The following TMX4 variants were observed in gnomAD, a reference collection of about 807,000 sequenced individuals.
TMX4 encodes the protein thioredoxin-related transmembrane protein 4.
Under a neutral mutation model 33.3 loss-of-function variants are expected in TMX4, and 23 were observed. The ratio of observed to expected loss-of-function variants is 0.69; its 90% CI spans 0.50 to 0.98. The LOEUF is 0.98. Ranked by LOEUF, TMX4 falls within the 50% of genes least tolerant of loss-of-function variation. The probability of loss-of-function intolerance (pLI) is 0.00; values close to 1 mark genes in which losing one functional copy is unlikely to be tolerated. For missense variants in TMX4, 399 were observed against 448.9 expected (o/e 0.89, Z 1.01); for synonymous variants, 164 against 161.5 (o/e 1.02, Z -0.12).
chr20:8,005,785 A>G (rs915001014), intron 2 of TMX4, among the ~76,000 whole-genome samples: 1 of 152,046 alleles, frequency 6.6e-6, no homozygotes, highest in African/African-American at 2.4e-5. Flanking sequence ...GAACAACGGA[A>G]AGTTTGGCCA....
chr20:8,013,728 C>T (rs534046029), intron 1 of TMX4: 49 of 152,258 alleles, frequency 3.2e-4, no homozygotes, highest in African/African-American at 1.1e-3. Flanking sequence ...ATATTTATTT[C>T]CTAGAAAGGA....
chr20:7,984,211 G>A (rs555743379), intron 6 of TMX4, among the ~76,000 whole-genome samples: 3 of 152,292 alleles, frequency 2.0e-5, no homozygotes, highest in Admixed American at 6.5e-5. Context: ...CCTCACCAAC[G>A]GGTAACCCCT....
In TMX4 at chr20:7,978,558, G is replaced by C. The variant is rs781213781; in HGVS notation, c.*3693C>G. The C allele has an allele frequency of 1.3e-5, 2 of 151,838 alleles. No individual in the cohort carries two copies. Among genetic ancestry groups the C allele is most frequent in the Admixed American group, 1.3e-4 (2 of 15,234 alleles). The allele number at this position is 151,838 out of a possible 1,614,324, so 9.4% of individuals were successfully genotyped here. ...TTTTGGCCATAAAAAGTCAAATTTT[G>C]TTTTTTTTCCACTATCAAAAGCCAA... On this transcript the variant is annotated 3_prime_UTR_variant, in exon 8 of 8. Coordinates refer to ENST00000246024, the MANE Select transcript of TMX4 (RefSeq NM_021156.4).
chr20:7,982,187 C>T lies in TMX4; in HGVS notation c.*64G>A. 6.6e-7 allele frequency: 1 copy of T among 1,516,846 alleles called. No homozygotes were observed. Among genetic ancestry groups the T allele is most frequent in the South Asian group, 1.3e-5 (1 of 79,656 alleles). 94.0% of individuals were successfully genotyped at this position (1,516,846 alleles called of 1,614,324 possible). A position where few individuals can be genotyped will look rare whatever the true frequency, so the allele number is the denominator to read the frequency against. The stretch of plus-strand genomic sequence containing the variant: ...GGAAAAATTAAGGATTTGGTACAAA[C>T]TGCAGGCCAAAGGGAAGCTGACATA... On this transcript the variant is annotated 3_prime_UTR_variant, in exon 8 of 8. Transcript: ENST00000246024.
intron 1 of TMX4, among the ~76,000 whole-genome samples, chr20:8,012,601 G>T (rs192705950): frequency 6.6e-6 from 1 of 151,966 alleles, no homozygotes; most frequent in Non-Finnish European, 1.5e-5. Context: ...TTATCTTGAA[G>T]TATAATATAA....
Position 7,982,596 on chromosome 20 carries a change from A to G in TMX4, c.705T>C (p.Ala235=). 6.2e-7 allele frequency: 1 copy of G among 1,612,810 alleles called. No individual in the cohort carries two copies. Reference sequence around the variant, plus strand: ...CATCCTGCAACTGTTCAGCTCTATGAGCCTCCTCTGATCTCCGATTCTGCT... The same window carrying G: ...CATCCTGCAACTGTTCAGCTCTATGGGCCTCCTCTGATCTCCGATTCTGCT... The part of the protein sequence containing the change: ...RSEQNRRSEE[A]HRAEQLQDAE... Residue 235 remains alanine, a synonymous_variant, in exon 8 of 8, where the codon GCT becomes GCC. Transcript: ENST00000246024.
intron 5 of TMX4, among the ~76,000 whole-genome samples, chr20:7,995,182 T>A (rs1390443323): frequency 6.6e-6 from 1 of 152,190 alleles, no homozygotes; most frequent in African/African-American, 2.4e-5. Context: ...TCACAAACTC[T>A]TTGAATATTA....
Position 8,019,614 on chromosome 20 carries a change from G to C in TMX4, c.-1C>G, listed in dbSNP as rs758999559. 80 of 1,341,320 alleles carry C rather than the reference G, an allele frequency of 6.0e-5. No individual in the cohort carries two copies. The highest frequency in any genetic ancestry group is 7.3e-5 in the Non-Finnish European group (76 of 1,045,662). 83.1% of individuals were successfully genotyped at this position (1,341,320 alleles called of 1,614,324 possible). On this transcript the variant is annotated 5_prime_UTR_variant, in exon 1 of 8. Transcript: ENST00000246024. ...GCGGGCCGCAGCGCCCACCCGCCAT[G>C]TTGGGCGCCGAGCGAGGCTTCTCGG...
intron 5 of TMX4, among the ~76,000 whole-genome samples, chr20:7,988,461 G>A (rs200016660): frequency 1.3e-5 from 2 of 152,188 alleles, no homozygotes; most frequent in East Asian, 3.9e-4. Flanking sequence ...AACAAAGCTT[G>A]TAAACTGATT....
At chr20:8,017,389 C>T (rs530069190) in intron 1 of TMX4, among the ~76,000 whole-genome samples, 33 of 152,318 alleles carry the variant, frequency 2.2e-4, no homozygotes, top group Middle Eastern at 6.8e-3. Flanking sequence ...CAAGCATATT[C>T]CATACAACTG....
At chr20:8,000,588 A>C (rs11906221) in intron 3 of TMX4, among the ~76,000 whole-genome samples, 29,312 of 151,836 alleles carry the variant, frequency 0.19, 4,550 homozygotes, top group East Asian at 0.59. Context: ...TCTGAGCATT[A>C]CTTCTCCATT....
chr20:7,982,305 C>A lies in TMX4; in HGVS notation c.996G>T (p.Val332=), dbSNP rs2050609747. 6.2e-7 allele frequency: 1 copy of A among 1,614,104 alleles called. No homozygotes were observed. Among genetic ancestry groups the A allele is most frequent in the East Asian group, 2.2e-5 (1 of 44,854 alleles). ...SEQPCPADTE[V]VEDSLRQRKS... ...TACGCTGCCTCAAGGAGTCTTCCAC[C>A]ACCTCTGTGTCAGCTGGGCAGGGTT... Residue 332 remains valine (V), a synonymous_variant, in exon 8 of 8, where the codon GTG becomes GTT. Transcript: ENST00000246024.
In TMX4 at chr20:7,979,280, T is replaced by C. The variant is rs992396436; in HGVS notation, c.*2971A>G. 6.6e-6 allele frequency: 1 copy of C among 152,132 alleles called. No individual in the cohort carries two copies. The highest frequency in any genetic ancestry group is 1.5e-5 in the Non-Finnish European group (1 of 68,020). The allele number at this position is 152,132 out of a possible 1,614,324, so 9.4% of individuals were successfully genotyped here. On this transcript the variant is annotated 3_prime_UTR_variant, in exon 8 of 8. Coordinates refer to ENST00000246024, the MANE Select transcript of TMX4 (RefSeq NM_021156.4). ...CCTAAAATCTTCAAGTGGAAAGATA[T>C]TAAATTAAATTTTGTTGGAAAAAAA...
intron 6 of TMX4, 152 bp downstream of exon 6, chr20:7,987,136 T>G: frequency 3.3e-6 from 2 of 599,878 alleles, no homozygotes; most frequent in Non-Finnish European, 5.9e-6. Context: ...ACATTACCAT[T>G]GAAAGCAGTC....
chr20:8,004,786 G>C (rs906767194), intron 2 of TMX4, among the ~76,000 whole-genome samples: 1 of 152,116 alleles, frequency 6.6e-6, no homozygotes, highest in African/African-American at 2.4e-5. Context: ...CTATTTATTA[G>C]CATGTTATCT....
intron 2 of TMX4, among the ~76,000 whole-genome samples, chr20:8,008,270 T>C (rs2050738723): frequency 2.0e-5 from 3 of 152,248 alleles, no homozygotes; most frequent in South Asian, 4.1e-4. Context: ...CCTCTGCCTA[T>C]AAAAAATTGT....
chr20:8,006,761 T>TTC (rs11482136), intron 2 of TMX4, among the ~76,000 whole-genome samples: 1 of 49,288 alleles, frequency 2.0e-5, no homozygotes, highest in African/African-American at 6.6e-4. Context: ...CTTCTTCTTC[T>TTC]TTTTTTTTTT....
In TMX4 at chr20:8,019,446, C is replaced by T; in HGVS notation, c.168G>A (p.Met56Ile). Residue 56 changes from methionine to isoleucine, a missense_variant, in exon 1 of 8, where the codon ATG (methionine) becomes ATA (isoleucine). Coordinates refer to ENST00000246024, the MANE Select transcript of TMX4 (RefSeq NM_021156.4). ...CGGGCGGGCACACTCACAATTTCAGCATCCACTCGCCCTCCATCACCAGCG... is the reference window on the plus strand; with the variant it reads ...CGGGCGGGCACACTCACAATTTCAGTATCCACTCGCCCTCCATCACCAGCG... The part of the protein sequence containing the change: ...NWTLVMEGEW[M>I]LKFYAPWCPS... The T allele has an allele frequency of 1.3e-6, 2 of 1,518,000 alleles. No individual in the cohort carries two copies. Among genetic ancestry groups the T allele is most frequent in the Non-Finnish European group, 1.8e-6 (2 of 1,132,202 alleles). The allele number at this position is 1,518,000 out of a possible 1,614,324, so 94.0% of individuals were successfully genotyped here. A position where few individuals can be genotyped will look rare whatever the true frequency, so the allele number is the denominator to read the frequency against.
intron 2 of TMX4, 75 bp downstream of exon 2, chr20:8,010,123 CTT>C: frequency 7.8e-7 from 1 of 1,284,796 alleles, no homozygotes; most frequent in Non-Finnish European, 1.1e-6. Context: ...AGACTCTCAA[CTT>C]TTCTATATGC....
Sources: gnomAD v4.1 joint callset for allele counts (sites outside exome capture counted in the v4.1 genomes callset) on GRCh38, gnomAD v4.1.1 for gene constraint, MANE v1.5 for transcripts, NCBI Gene and HGNC (gene_info 2026-07-23, HGNC 2026-07-21) for gene names.